KXD1: variants seen among roughly 807,000 people sequenced by gnomAD.
KXD1 encodes kxDL motif-containing protein 1.
In KXD1, 5 loss-of-function variants were observed where a neutral mutation model predicts 12.1. The observed-to-expected ratio is 0.41, with a 90% CI of 0.22 to 0.87. The LOEUF (loss-of-function observed/expected upper bound fraction) is 0.87, where lower values mean the gene tolerates loss of function less well. Ranked by LOEUF, KXD1 falls within the 40% of genes least tolerant of loss-of-function variation. The pLI, the probability that KXD1 is intolerant of heterozygous loss-of-function variation, is 0.31. For synonymous variants in KXD1, 98 were observed against 100.5 expected (o/e 0.98, Z 0.15); for missense variants, 193 against 244.9 (o/e 0.79, Z 1.41).
At chr19:18,560,711 CTTCT>C (rs1044681080) in intron 1 of KXD1, among the ~76,000 whole-genome samples, 15 of 97,682 alleles carry the variant, frequency 1.5e-4, no homozygotes, top group African/African-American at 3.8e-4. Context: ...ACCTCTACTC[CTTCT>C]TTTTTTTTTT....
At chr19:18,566,734 A>G (rs1358727473) in intron 3 of KXD1, among the ~76,000 whole-genome samples, 1 of 151,492 alleles carries the variant, frequency 6.6e-6, no homozygotes, top group African/African-American at 2.4e-5. Flanking sequence ...TGGAGGTTGC[A>G]GTGAGCCAGG....
chr19:18,564,579 C>T (rs778146068), intron 2 of KXD1, among the ~76,000 whole-genome samples: 3 of 152,070 alleles, frequency 2.0e-5, no homozygotes, highest in Non-Finnish European at 2.9e-5. Flanking sequence ...GCCGAGATCG[C>T]GCCACTGCAC....
chr19:18,568,022 C>G (rs112311079), intron 4 of KXD1, among the ~76,000 whole-genome samples: 235 of 152,304 alleles, frequency 1.5e-3, no homozygotes, highest in African/African-American at 5.1e-3. Context: ...AATCCCAACA[C>G]TTTGGGAGGC....
chr19:18,564,796 A>ACAGTCTTCTGGG, intron 2 of KXD1, 73 bp from the exon 3 acceptor site: 2 of 1,552,618 alleles, frequency 1.3e-6, no homozygotes, highest in South Asian at 1.1e-5. Context: ...CTTGGCATGA[A>ACAGTCTTCTGGG]CAGTCTTCTG....
Position 18,568,895 on chromosome 19 carries a change from G to T in KXD1, c.*264G>T, listed in dbSNP as rs1180042685. 2 of 500,472 alleles carry T rather than the reference G, an allele frequency of 4.0e-6. No homozygotes were observed. Among genetic ancestry groups the T allele is most frequent in the South Asian group, 4.9e-5 (2 of 40,730 alleles). 31.0% of individuals were successfully genotyped at this position (500,472 alleles called of 1,614,324 possible). On this transcript the variant is annotated 3_prime_UTR_variant, in exon 5 of 5. Transcript: ENST00000222307. ...ACGCCCATTCCAGCTGGAGTCGTGG[G>T]GCTGGGCACAGGGGAATTTTTCCAG...
intron 3 of KXD1, among the ~76,000 whole-genome samples, chr19:18,566,017 G>A (rs1438179794): frequency 6.6e-6 from 1 of 152,108 alleles, no homozygotes; most frequent in African/African-American, 2.4e-5. Context: ...TTTTAGTAGA[G>A]ACAGGGTTTC....
At chr19:18,568,286 G>T (rs1461499006) in intron 4 of KXD1, 116 bp from the exon 5 acceptor site, 4 of 695,800 alleles carry the variant, frequency 5.7e-6, no homozygotes, top group African/African-American at 1.8e-5. Context: ...AAAAAAAAGG[G>T]TCAAGTCATA....
intron 3 of KXD1, 134 bp downstream of exon 3, chr19:18,565,155 T>A (rs1180380359): frequency 1.4e-6 from 2 of 1,462,216 alleles, no homozygotes; most frequent in Non-Finnish European, 1.8e-6. Flanking sequence ...CACTTAAGTG[T>A]CTGGGACAAT....
At chr19:18,562,309 G>A in intron 2 of KXD1, 152 bp downstream of exon 2, 1 of 644,018 alleles carries the variant, frequency 1.6e-6, no homozygotes, top group Non-Finnish European at 2.6e-6. Context: ...TTCCTTCCCG[G>A]CCTGGAGGCG....
intron 2 of KXD1, among the ~76,000 whole-genome samples, chr19:18,564,150 G>A (rs747190485): frequency 2.6e-5 from 4 of 152,040 alleles, no homozygotes; most frequent in East Asian, 2.0e-4. Flanking sequence ...CTCCCAAAGC[G>A]CTGGAATTGC....
Position 18,568,442 on chromosome 19 carries a change from C to T in KXD1, c.342C>T (p.Asp114=), listed in dbSNP as rs1418469714. Residue 114 remains aspartate, a synonymous_variant, in exon 5 of 5, where the codon GAC becomes GAT. Coordinates refer to ENST00000222307, the MANE Select transcript of KXD1 (RefSeq NM_024069.4). ...EASFLEEEDE[D]PIPPSTTTTI... ...CCTTCCTGGAGGAAGAGGATGAAGACCCCATCCCACCCAGCACCACGACCA... is the reference window on the plus strand; with the variant it reads ...CCTTCCTGGAGGAAGAGGATGAAGATCCCATCCCACCCAGCACCACGACCA... 6.2e-7 allele frequency: 1 copy of T among 1,614,088 alleles called. No homozygotes were observed. Among genetic ancestry groups the T allele is most frequent in the Non-Finnish European group, 8.5e-7 (1 of 1,180,008 alleles).
intron 3 of KXD1, among the ~76,000 whole-genome samples, chr19:18,565,758 G>T (rs1196490274): frequency 2.0e-5 from 3 of 152,192 alleles, no homozygotes; most frequent in Non-Finnish European, 2.9e-5. Flanking sequence ...TGCAATGTCA[G>T]CTCACTGCAA....
At chr19:18,563,062 TTTTC>T (rs1017016658) in intron 2 of KXD1, among the ~76,000 whole-genome samples, 2 of 152,206 alleles carry the variant, frequency 1.3e-5, no homozygotes, top group African/African-American at 4.8e-5. Flanking sequence ...ATTTTTTTCT[TTTTC>T]TTTCTTAACT....
At chr19:18,565,269 G>A (rs1424149593) in intron 3 of KXD1, 4 of 1,135,942 alleles carry the variant, frequency 3.5e-6, no homozygotes, top group East Asian at 5.7e-5. Flanking sequence ...TCGCTCTGTT[G>A]CCCAGGCTGG....
At chr19:18,567,313 G>GGGGGCA (rs1271048233) in intron 4 of KXD1, 135 bp downstream of exon 4, 1 of 886,028 alleles carries the variant, frequency 1.1e-6, no homozygotes, top group East Asian at 2.5e-5. Context: ...AACCTGGGGT[G>GGGGGCA]GGGGCAGGGT....
In KXD1 at chr19:18,567,135, G is replaced by T; in HGVS notation, c.258G>T (p.Thr86=). 1 of 1,614,072 alleles carries T rather than the reference G, an allele frequency of 6.2e-7. No individual in the cohort carries two copies. The highest frequency in any genetic ancestry group is 8.5e-7 in the Non-Finnish European group (1 of 1,179,964). ...GTGTGCCTTCTCTCCCCTGCAGGAC[G>T]CTGAAAGGGAAACTGGCCAGGCAGC... is the stretch of plus-strand genomic sequence containing the variant. ...DLDSIFRRIR[T]LKGKLARQHP... The change falls in exon 4 of 5, where the codon ACG becomes ACT. Residue 86 remains threonine (T), a synonymous_variant. Coordinates refer to ENST00000222307, the MANE Select transcript of KXD1 (RefSeq NM_024069.4).
At chr19:18,566,455 C>CAA (rs564291660) in intron 3 of KXD1, among the ~76,000 whole-genome samples, 46,481 of 115,654 alleles carry the variant, frequency 0.4, 10,128 homozygotes, top group East Asian at 0.65. Context: ...GACTCCGTCT[C>CAA]AAAAAAAAAA....
At chr19:18,565,483 TG>T (rs1214154734) in intron 3 of KXD1, among the ~76,000 whole-genome samples, 1 of 152,118 alleles carries the variant, frequency 6.6e-6, no homozygotes, top group Non-Finnish European at 1.5e-5. Flanking sequence ...CCAGCCGCCT[TG>T]GCCTCCCAAA....
Position 18,568,548 on chromosome 19 carries a change from G to T in KXD1, c.448G>T (p.Glu150Ter). 4 of 1,613,922 alleles carry T rather than the reference G, an allele frequency of 2.5e-6. No homozygotes were observed. The highest frequency in any genetic ancestry group is 3.4e-6 in the Non-Finnish European group (4 of 1,180,038). Reference sequence around the variant, plus strand: ...CTCGCCCTCCCTGAGCCCCGGCTTCGAGGACCTGTCCCATGTCCAGCCTGG... The same window carrying T: ...CTCGCCCTCCCTGAGCCCCGGCTTCTAGGACCTGTCCCATGTCCAGCCTGG... ...TVSPSLSPGF[E>*]DLSHVQPGSP... Residue 150 changes from glutamate to a stop codon, truncating the protein, a stop_gained, in exon 5 of 5, where the codon GAG (glutamate) becomes TAG (stop). Coordinates refer to ENST00000222307, the MANE Select transcript of KXD1 (RefSeq NM_024069.4). LOFTEE classifies it high-confidence loss of function.
Sources: allele counts gnomAD v4.1 joint callset (sites outside exome capture counted in the v4.1 genomes callset), GRCh38; gene constraint gnomAD v4.1.1; transcripts MANE v1.5; gene names NCBI Gene and HGNC (gene_info 2026-07-23, HGNC 2026-07-21).